The following BCAS3 variants were observed in gnomAD, a reference collection of about 807,000 sequenced individuals.
BCAS3 encodes BCAS3 microtubule associated cell migration factor.
A neutral mutation model predicts 116.1 loss-of-function variants in BCAS3; 53 were observed. The ratio of observed to expected loss-of-function variants is 0.46; its 90% confidence interval spans 0.37 to 0.57. BCAS3 has a LOEUF of 0.57. Among genes scored for constraint, BCAS3 ranks in the 20% least tolerant of loss-of-function variants. The probability of loss-of-function intolerance (pLI) is 0.00; values close to 1 mark genes in which losing one functional copy is unlikely to be tolerated. For missense variants in BCAS3, 917 were observed against 1,165.4 expected (o/e 0.79, Z 3.10); for synonymous variants, 391 against 408.2 (o/e 0.96, Z 0.51).
At chr17:60,895,249 C>T (rs1454870786) in intron 10 of BCAS3, among the ~76,000 whole-genome samples, 1 of 152,114 alleles carries the variant, frequency 6.6e-6, no homozygotes, top group Admixed American at 6.5e-5. Context: ...TATTGGTCTG[C>T]TCAGATTTCT....
At chr17:61,345,140 CA>C (rs989047973) in intron 22 of BCAS3, among the ~76,000 whole-genome samples, 9 of 152,296 alleles carry the variant, frequency 5.9e-5, no homozygotes, top group African/African-American at 2.2e-4. Context: ...AGGGCAAAAT[CA>C]AAAACTCTCC....
rs572226133 is a variant in BCAS3 at position 61,310,420 on chromosome 17, A to T, written c.2426-57907A>T. 2.0e-5 allele frequency among the ~76,000 whole-genome samples: 3 copies of T among 152,152 alleles called. No individual in the cohort carries two copies. The East Asian group carries it at 5.8e-4, about 29-fold the overall frequency. ...AATACAAAAATTAGCCAGGTGTGGTAGTGCATGCCTGTAATCCCAGTTACC... is the reference window on the plus strand; with the variant it reads ...AATACAAAAATTAGCCAGGTGTGGTTGTGCATGCCTGTAATCCCAGTTACC... On this transcript the variant is annotated intron_variant, in intron 22 of 23. Coordinates refer to ENST00000407086, the MANE Select transcript of BCAS3 (RefSeq NM_017679.5).
intron 22 of BCAS3, among the ~76,000 whole-genome samples, chr17:61,338,574 G>A (rs1273511169): frequency 2.0e-5 from 3 of 152,120 alleles, no homozygotes; most frequent in Admixed American, 6.6e-5. Context: ...AAGTAGGTTA[G>A]GGGTAGCAGA....
rs949463242 is a variant in BCAS3, at chr17:61,259,193, A to G, written c.2426-109134A>G. ...ACTTGGTAGCTGCTTAGTAAACAGT[A>G]GTTAGTATCATCATTACTTGTATTT... On this transcript the variant is annotated intron_variant, in intron 22 of 23. Coordinates refer to ENST00000407086, the MANE Select transcript of BCAS3 (RefSeq NM_017679.5). This position sits in a 1 kb window ranked among gnomAD's most constrained non-coding sequence, Gnocchi z 4.7. Among the ~76,000 whole-genome samples, 4 of 152,230 alleles carry G rather than the reference A, an allele frequency of 2.6e-5. No homozygotes were observed. Among genetic ancestry groups the G allele is most frequent in the Non-Finnish European group, 5.9e-5 (4 of 68,038 alleles).
rs776192299 is a variant in BCAS3, at chr17:61,188,036, T to C, written c.2425+103472T>C. 1.3e-4 allele frequency among the ~76,000 whole-genome samples: 20 copies of C among 152,198 alleles called. No homozygotes were observed. Among genetic ancestry groups the C allele is most frequent in the Non-Finnish European group, 2.1e-4 (14 of 68,020 alleles). On this transcript the variant is annotated intron_variant, in intron 22 of 23. Coordinates refer to ENST00000407086, the MANE Select transcript of BCAS3 (RefSeq NM_017679.5). This position sits in a 1 kb window ranked among gnomAD's most constrained non-coding sequence, Gnocchi z 4.0. ...GTTAACTTTTTCTAAAATTTAAAAATGTTCCTGTCTTTAACATTCATCTTC... is the reference window on the plus strand; with the variant it reads ...GTTAACTTTTTCTAAAATTTAAAAACGTTCCTGTCTTTAACATTCATCTTC...
chr17:60,915,922 A>G (rs1375235215), intron 12 of BCAS3, among the ~76,000 whole-genome samples: 12 of 151,912 alleles, frequency 7.9e-5, no homozygotes, highest in Non-Finnish European at 1.5e-4. Flanking sequence ...TGACCTCGTG[A>G]TCTGCCCACC....
chr17:60,868,730 CTCCT>C, intron 8 of BCAS3, 47 bp downstream of exon 8: 1 of 1,207,628 alleles, frequency 8.3e-7, no homozygotes, highest in Non-Finnish European at 1.2e-6. Flanking sequence ...GAAACATGCT[CTCCT>C]GGGCATGGAG....
At chr17:60,798,121 A>G (rs1317963710) in intron 6 of BCAS3, among the ~76,000 whole-genome samples, 3 of 152,194 alleles carry the variant, frequency 2.0e-5, no homozygotes, top group Non-Finnish European at 4.4e-5. Context: ...CACTTTTTGT[A>G]TCATAGTGGT....
rs773831716 is a variant in BCAS3 at position 61,200,313 on chromosome 17, T to C, written c.2425+115749T>C. On this transcript the variant is annotated intron_variant, in intron 22 of 23. Transcript: ENST00000407086. This position sits in a 1 kb window ranked among gnomAD's most constrained non-coding sequence, Gnocchi z 5.1. The stretch of plus-strand genomic sequence containing the variant: ...TAATACAATTAGTTAGTTAGCTTAT[T>C]ATTCTTGCCTTACTGGGCAGTACAC... Among the ~76,000 whole-genome samples, 10 of 152,250 alleles carry C rather than the reference T, an allele frequency of 6.6e-5. No homozygotes were observed. Among genetic ancestry groups the C allele is most frequent in the Non-Finnish European group, 1.0e-4 (7 of 68,048 alleles).
chr17:60,812,646 C>G (rs1382334898), intron 7 of BCAS3, among the ~76,000 whole-genome samples: 1 of 152,118 alleles, frequency 6.6e-6, no homozygotes, highest in Non-Finnish European at 1.5e-5. Flanking sequence ...ATACTAGGAA[C>G]TTGAGTGCTA....
chr17:61,389,267 CAGGCCCAG>C (rs1203717172), intron 23 of BCAS3: 1 of 151,728 alleles, frequency 6.6e-6, no homozygotes, highest in African/African-American at 2.5e-5. Context: ...TACATGAACA[CAGGCCCAG>C]AGGCCTAGAA....
At chr17:61,298,635 A>G (rs752307409) in intron 22 of BCAS3, among the ~76,000 whole-genome samples, 57 of 151,868 alleles carry the variant, frequency 3.8e-4, no homozygotes, top group Non-Finnish European at 6.2e-4. Flanking sequence ...TTTCCAATCT[A>G]CTTCCAAAAG....
chr17:60,970,055 A>G (rs958244634), intron 14 of BCAS3, among the ~76,000 whole-genome samples: 2 of 152,234 alleles, frequency 1.3e-5, no homozygotes, highest in African/African-American at 4.8e-5. Context: ...GAATATGGTC[A>G]TTTCTTGTTG....
At chr17:60,802,736 G>T (rs1568284349) in intron 6 of BCAS3, among the ~76,000 whole-genome samples, 1 of 152,112 alleles carries the variant, frequency 6.6e-6, no homozygotes, top group Non-Finnish European at 1.5e-5. Context: ...CTGCCTCCTG[G>T]GTTCAAGCGA....
In BCAS3 at chr17:61,362,432, C is replaced by T. The variant is rs1431041542; in HGVS notation, c.2426-5895C>T. Among the ~76,000 whole-genome samples the T allele has an allele frequency of 6.6e-6, 1 of 152,226 alleles. No individual in the cohort carries two copies. Among genetic ancestry groups the T allele is most frequent in the Non-Finnish European group, 1.5e-5 (1 of 68,038 alleles). ...AAACCTGGGCAGAACCTCATTAACG[C>T]AAAGCGGAGGCTGTGCCACAGTCTC... On this transcript the variant is annotated intron_variant, in intron 22 of 23. Coordinates refer to ENST00000407086, the MANE Select transcript of BCAS3 (RefSeq NM_017679.5). The surrounding 1 kb of genome is among the most constrained non-coding windows in gnomAD (Gnocchi z 4.4).
chr17:61,271,860 AGTGCAATG>A (rs886116066), intron 22 of BCAS3, among the ~76,000 whole-genome samples: 1 of 152,132 alleles, frequency 6.6e-6, no homozygotes, highest in African/African-American at 2.4e-5. Context: ...CCCAGACAGG[AGTGCAATG>A]GTGCAATCAT....
At chr17:60,942,946 A>G (rs192469423) in intron 13 of BCAS3, among the ~76,000 whole-genome samples, 5 of 152,302 alleles carry the variant, frequency 3.3e-5, no homozygotes, top group Admixed American at 3.3e-4. Context: ...AGATATGTGT[A>G]TTATAATCTC....
rs73326898 is a variant in BCAS3 at position 61,239,477 on chromosome 17, C to G, written c.2426-128850C>G. 0.026 allele frequency among the ~76,000 whole-genome samples: 3,979 copies of G among 152,244 alleles called. 57 individuals carry two copies. The highest frequency in any genetic ancestry group is 0.044 in the Middle Eastern group (13 of 294). ...TGAACGCTTTCTGTAACTTATGAAG[C>G]TTTTGGAAATTTGGTCTAGTGATGA... On this transcript the variant is annotated intron_variant, in intron 22 of 23. Transcript: ENST00000407086. This position sits in a 1 kb window ranked among gnomAD's most constrained non-coding sequence, Gnocchi z 4.2.
chr17:60,913,622 C>G (rs2058632313), intron 12 of BCAS3, among the ~76,000 whole-genome samples: 1 of 152,060 alleles, frequency 6.6e-6, no homozygotes, highest in South Asian at 2.1e-4. Flanking sequence ...TTAGCCTAAA[C>G]TGTAATGTTT....
Sources: gnomAD v4.1 joint callset for allele counts (sites outside exome capture counted in the v4.1 genomes callset) on GRCh38, gnomAD v4.1.1 for gene constraint, Gnocchi (gnomAD v3.1) non-coding constraint, MANE v1.5 for transcripts, NCBI Gene and HGNC (gene_info 2026-07-23, HGNC 2026-07-21) for gene names.